The following CYTH2 variants were observed in gnomAD, a reference collection of about 807,000 sequenced individuals.
The protein encoded by CYTH2 is cytohesin 2, also known as cytohesin-2.
In CYTH2, 24 loss-of-function variants were observed where a neutral mutation model predicts 55.4. The observed-to-expected ratio is 0.43, with a 90% CI of 0.31 to 0.61. The LOEUF is 0.61. Among genes scored for constraint, CYTH2 ranks in the 20% least tolerant of loss-of-function variants. CYTH2 has a pLI of 0.08. For synonymous variants in CYTH2, 221 were observed against 209.6 expected (o/e 1.05, Z -0.47); for missense variants, 378 against 533.5 (o/e 0.71, Z 2.87).
intron 8 of CYTH2, 180 bp from the exon 9 acceptor site, chr19:48,477,889 G>T: frequency 1.7e-6 from 1 of 574,958 alleles, no homozygotes; most frequent in South Asian, 2.4e-5. Flanking sequence ...GGGGGTGGAC[G>T]ATTCCTGGAG....
Position 48,478,336 on chromosome 19 carries a change from C to T in CYTH2, c.947C>T (p.Pro316Leu), listed in dbSNP as rs1197905418. The T allele has an allele frequency of 6.2e-7, 1 of 1,613,892 alleles. No individual in the cohort carries two copies. Among genetic ancestry groups the T allele is most frequent in the African/African-American group, 1.3e-5 (1 of 74,868 alleles). ...CTGAGCATCCGAGAGGTGGACGACC[C>T]CCGGAAACCGGTAAGACCCTCTCTG... ...ENLSIREVDD[P>L]RKPNCFELYI... The change falls in exon 10 of 12, where the codon CCC becomes CTC. Residue 316 changes from proline (P) to leucine (L), a missense_variant. By Grantham distance (98) the Pro-to-Leu change is moderately conservative (BLOSUM62 -3). Coordinates refer to ENST00000452733, the MANE Select transcript of CYTH2 (RefSeq NM_004228.7).
In CYTH2 at chr19:48,479,541, G is replaced by A. The variant is rs1299169249; in HGVS notation, c.*331G>A. ...TTCTGGTTTCACCCCGAGCCCAGCA[G>A]GAGTGGAGTAAAGGGAGAAGGTTAA... On this transcript the variant is annotated 3_prime_UTR_variant, in exon 12 of 12. Transcript: ENST00000452733. 3.1e-6 allele frequency: 1 copy of A among 324,930 alleles called. No individual in the cohort carries two copies. The highest frequency in any genetic ancestry group is 5.8e-6 in the Non-Finnish European group (1 of 173,670). The allele number at this position is 324,930 out of a possible 1,614,324, so 20.1% of individuals were successfully genotyped here.
chr19:48,478,698 G>A, intron 11 of CYTH2, 106 bp downstream of exon 11: 1 of 709,982 alleles, frequency 1.4e-6, no homozygotes, highest in Non-Finnish European at 2.2e-6. Context: ...ATGGAGGAGG[G>A]GCTGGGGCCT....
chr19:48,469,672 G>A (rs1971743128), intron 1 of CYTH2, 146 bp downstream of exon 1: 2 of 1,255,624 alleles, frequency 1.6e-6, no homozygotes. Flanking sequence ...GTTGGGCGCT[G>A]GACGGGCTTC....
Position 48,479,094 on chromosome 19 carries a change from C to T in CYTH2, c.1113-29C>T, listed in dbSNP as rs1188524198. ...GGCTGGAGGCCTGGACTCCTTGGCC[C>T]TCATCCTGGGACCCCTCCCCTTCTG... On this transcript the variant is annotated intron_variant, in intron 11 of 11. Coordinates refer to ENST00000452733, the MANE Select transcript of CYTH2 (RefSeq NM_004228.7). The T allele has an allele frequency of 1.9e-6, 3 of 1,611,964 alleles. No individual in the cohort carries two copies. In the Admixed American group the frequency reaches 5.0e-5, roughly 27 times the overall value.
At chr19:48,473,496 T>G in intron 5 of CYTH2, 118 bp downstream of exon 5, 1 of 1,032,116 alleles carries the variant, frequency 9.7e-7, no homozygotes, top group Non-Finnish European at 1.5e-6. Flanking sequence ...AAACAAAAAC[T>G]AGGGAACTGA....
chr19:48,476,546 G>T (rs1185086532), intron 8 of CYTH2: 1 of 152,474 alleles, frequency 6.6e-6, no homozygotes, highest in Non-Finnish European at 1.5e-5. Flanking sequence ...AAGAGAAGCA[G>T]GAAGGCGCCA....
In CYTH2 at chr19:48,479,108, C is replaced by T. The variant is rs1173592589; in HGVS notation, c.1113-15C>T. ...ACTCCTTGGCCCTCATCCTGGGACC[C>T]CTCCCCTTCTGCAGGGCGGCTGTGA... On this transcript the variant is annotated splice_polypyrimidine_tract_variant and intron_variant, in intron 11 of 11. Transcript: ENST00000452733. 2 of 1,613,690 alleles carry T rather than the reference C, an allele frequency of 1.2e-6. No individual in the cohort carries two copies. The highest frequency in any genetic ancestry group is 1.7e-6 in the Non-Finnish European group (2 of 1,179,744).
At chr19:48,475,916 A>C in intron 8 of CYTH2, 1 of 450,864 alleles carries the variant, frequency 2.2e-6, no homozygotes, top group South Asian at 1.6e-5. Context: ...AGAGAGACAC[A>C]TCTGGGCAGT....
At chr19:48,478,203 C>G (rs368375728) in intron 9 of CYTH2, 58 bp downstream of exon 9, 2 of 1,612,068 alleles carry the variant, frequency 1.2e-6, no homozygotes, top group Admixed American at 3.3e-5. Flanking sequence ...GGAGCCTGGA[C>G]TCCTGGGGCT....
chr19:48,470,291 T>C, intron 1 of CYTH2, 62 bp from the exon 2 acceptor site: 3 of 1,541,580 alleles, frequency 1.9e-6, no homozygotes, highest in Middle Eastern at 1.8e-4. Context: ...CGCCCCCAGA[T>C]TGCAGGAATT....
chr19:48,472,869 A>T, intron 4 of CYTH2: 1 of 330,286 alleles, frequency 3.0e-6, no homozygotes, highest in Non-Finnish European at 5.9e-6. Context: ...GGTGCACAGG[A>T]CTGGACATCA....
intron 5 of CYTH2, chr19:48,473,665 C>G (rs1971848851): frequency 3.4e-6 from 2 of 595,846 alleles, no homozygotes; most frequent in African/African-American, 1.9e-5. Context: ...GATAACAAGC[C>G]TCAACCAACC....
Position 48,473,278 on chromosome 19 carries a change from T to A in CYTH2, c.354-20T>A. ...CCCCATCCTTTCCAAACTGTATGTG[T>A]CTTTGTCCCATCCTTCCAGGGAAGA... On this transcript the variant is annotated intron_variant, in intron 4 of 11. Transcript: ENST00000452733. The A allele has an allele frequency of 1.9e-6, 3 of 1,613,724 alleles. No individual in the cohort carries two copies. The highest frequency in any genetic ancestry group is 2.5e-6 in the Non-Finnish European group (3 of 1,179,700).
intron 10 of CYTH2, 38 bp downstream of exon 10, chr19:48,478,384 G>A (rs769997450): frequency 6.2e-7 from 1 of 1,613,586 alleles, no homozygotes. Flanking sequence ...CCAGGGCGGG[G>A]CCTCCTCTGC....
chr19:48,469,781 C>T, intron 1 of CYTH2: 1 of 421,048 alleles, frequency 2.4e-6, no homozygotes, highest in Middle Eastern at 8.6e-4. Flanking sequence ...GAGGCGAGGC[C>T]GGGGCGGAAC....
intron 1 of CYTH2, 91 bp from the exon 2 acceptor site, chr19:48,470,262 A>T: frequency 1.3e-6 from 2 of 1,511,320 alleles, no homozygotes; most frequent in Non-Finnish European, 1.8e-6. Flanking sequence ...CCCCTTACAC[A>T]TCCTCTCCCA....
Position 48,481,502 on chromosome 19 carries a change from T to TG in CYTH2, c.*2293dup, listed in dbSNP as rs397766926. The TG allele has an allele frequency of 7.6e-5, 14 of 185,066 alleles. No homozygotes were observed. The highest frequency in any genetic ancestry group is 3.1e-4 in the African/African-American group (13 of 41,434). 11.5% of individuals were successfully genotyped at this position (185,066 alleles called of 1,614,324 possible). On this transcript the variant is annotated 3_prime_UTR_variant, in exon 12 of 12. Coordinates refer to ENST00000452733, the MANE Select transcript of CYTH2 (RefSeq NM_004228.7). ...GATTTTTTTTGTAGGTTTTTTTTTT[T>TG]GTTTTTTGTTTTGTTTTGTTTTGTT... is the stretch of plus-strand genomic sequence containing the variant.
At chr19:48,477,993 T>G (rs1479332624) in intron 8 of CYTH2, 76 bp from the exon 9 acceptor site, 3 of 1,249,356 alleles carry the variant, frequency 2.4e-6, no homozygotes, top group Non-Finnish European at 3.5e-6. Context: ...TTGCTCTGCT[T>G]CTCACGCCCC....
Sources: allele counts gnomAD v4.1 joint callset, GRCh38; gene constraint gnomAD v4.1.1; transcripts MANE v1.5; gene names NCBI Gene and HGNC (gene_info 2026-07-23, HGNC 2026-07-21).